The following CACNA2D1 variants were observed in gnomAD, a reference collection of about 807,000 sequenced individuals.
CACNA2D1 encodes calcium voltage-gated channel auxiliary subunit alpha2delta 1.
A neutral mutation model predicts 171.5 loss-of-function variants in CACNA2D1; 53 were observed. That is an observed-to-expected ratio of 0.31 (90% CI 0.25 to 0.39). The LOEUF is 0.39. Among genes scored for constraint, CACNA2D1 ranks in the 10% least tolerant of loss-of-function variants. CACNA2D1 has a pLI of 1.00. For missense variants in CACNA2D1, 903 were observed against 1,299.8 expected, an observed-to-expected ratio of 0.69 and a Z score of 4.69; for synonymous variants, 442 against 443.1, an observed-to-expected ratio of 1.00 and a Z score of 0.03.
At chr7:82,053,957 G>A (rs1027829911) in intron 10 of CACNA2D1, among the ~76,000 whole-genome samples, 7 of 152,290 alleles carry the variant, frequency 4.6e-5, no homozygotes, top group Admixed American at 4.6e-4. Flanking sequence ...CATCAGTAAA[G>A]TCTGTATTAA....
intron 3 of CACNA2D1, among the ~76,000 whole-genome samples, chr7:82,321,507 G>C (rs998957926): frequency 6.6e-6 from 1 of 152,174 alleles, no homozygotes; most frequent in African/African-American, 2.4e-5. Flanking sequence ...TAAGAAGACT[G>C]TATCTTATCT....
At chr7:82,367,087 T>C (rs1215885909) in intron 1 of CACNA2D1, among the ~76,000 whole-genome samples, 1 of 151,582 alleles carries the variant, frequency 6.6e-6, no homozygotes, top group Non-Finnish European at 1.5e-5. Flanking sequence ...TTTTTTAATT[T>C]TTTGTAGTGA....
intron 3 of CACNA2D1, among the ~76,000 whole-genome samples, chr7:82,332,437 A>G (rs989875046): frequency 1.3e-5 from 2 of 152,062 alleles, no homozygotes; most frequent in African/African-American, 4.8e-5. Flanking sequence ...CTGCTACACT[A>G]CAACAATATC....
chr7:82,099,179 T>C (rs1812311227), intron 6 of CACNA2D1, among the ~76,000 whole-genome samples: 1 of 152,174 alleles, frequency 6.6e-6, no homozygotes, highest in Non-Finnish European at 1.5e-5. Context: ...TCAGTTTCAC[T>C]GCCCTTTCCA....
chr7:82,050,981 TGAA>T (rs1805131960), intron 10 of CACNA2D1: 1 of 259,714 alleles, frequency 3.9e-6, no homozygotes, highest in South Asian at 4.9e-5. Context: ...GGGTTGCCTG[TGAA>T]GAATGAGTCA....
At chr7:82,030,459 GTTC>G (rs1203784010) in intron 12 of CACNA2D1, among the ~76,000 whole-genome samples, 1 of 150,286 alleles carries the variant, frequency 6.7e-6, no homozygotes, top group African/African-American at 2.4e-5. Context: ...AAAGCAACTT[GTTC>G]TTATTTATAT....
At chr7:82,180,232 T>A (rs1796979223) in intron 3 of CACNA2D1, among the ~76,000 whole-genome samples, 1 of 152,146 alleles carries the variant, frequency 6.6e-6, no homozygotes, top group Non-Finnish European at 1.5e-5. Context: ...AGTGATCCTC[T>A]GAGGCAAGTG....
chr7:82,433,296 AAT>A (rs1340898467), intron 1 of CACNA2D1, among the ~76,000 whole-genome samples: 2 of 152,168 alleles, frequency 1.3e-5, no homozygotes, highest in African/African-American at 4.8e-5. Context: ...GTGAGAACCA[AAT>A]GTTGCTGTGT....
intron 3 of CACNA2D1, among the ~76,000 whole-genome samples, chr7:82,288,777 T>A (rs1194138667): frequency 6.6e-6 from 1 of 152,204 alleles, no homozygotes; most frequent in Non-Finnish European, 1.5e-5. Context: ...AGTCAATAAG[T>A]TTAGGCATGA....
At chr7:82,242,037 C>T (rs1467775535) in intron 3 of CACNA2D1, among the ~76,000 whole-genome samples, 2 of 152,012 alleles carry the variant, frequency 1.3e-5, no homozygotes, top group Admixed American at 6.6e-5. Flanking sequence ...AATTGTTTCA[C>T]TCGCATAAGA....
chr7:82,414,306 G>A (rs1258054243), intron 1 of CACNA2D1, among the ~76,000 whole-genome samples: 3 of 152,160 alleles, frequency 2.0e-5, no homozygotes, highest in African/African-American at 7.2e-5. Context: ...CATGGTGCTA[G>A]AGAAGAGAGT....
At chr7:81,956,567 C>A (rs1793379833) in intron 38 of CACNA2D1, among the ~76,000 whole-genome samples, 1 of 152,034 alleles carries the variant, frequency 6.6e-6, no homozygotes, top group Non-Finnish European at 1.5e-5. Context: ...GATATTAAAG[C>A]AACGTTTCCT....
At chr7:82,126,156 T>C (rs1238183497) in intron 5 of CACNA2D1, among the ~76,000 whole-genome samples, 1 of 152,182 alleles carries the variant, frequency 6.6e-6, no homozygotes, top group African/African-American at 2.4e-5. Flanking sequence ...AGCAGAGAGA[T>C]TATGTGATCT....
At chr7:82,043,687 A>C (rs1402735955) in intron 10 of CACNA2D1, among the ~76,000 whole-genome samples, 3 of 152,192 alleles carry the variant, frequency 2.0e-5, no homozygotes, top group Non-Finnish European at 2.9e-5. Flanking sequence ...TTTTTGCTCT[A>C]ATTTCCCCTG....
chr7:82,275,932 A>G (rs1585304482), intron 3 of CACNA2D1, among the ~76,000 whole-genome samples: 1 of 152,302 alleles, frequency 6.6e-6, no homozygotes, highest in African/African-American at 2.4e-5. Flanking sequence ...ACCATAACGG[A>G]CATATCATTC....
At chr7:81,983,260 G>A (rs1353188128) in intron 23 of CACNA2D1, 54 bp downstream of exon 23, 2 of 1,447,846 alleles carry the variant, frequency 1.4e-6, no homozygotes, top group African/African-American at 2.8e-5. Context: ...AAATATCAGT[G>A]GAAATGTCAA....
chr7:82,435,295 C>T (rs1236921851), intron 1 of CACNA2D1, among the ~76,000 whole-genome samples: 3 of 152,070 alleles, frequency 2.0e-5, no homozygotes, highest in Non-Finnish European at 2.9e-5. Context: ...CCTCGGCCTC[C>T]CAAAGTGCTG....
At chr7:82,133,947 C>T (rs1791307358) in intron 5 of CACNA2D1, among the ~76,000 whole-genome samples, 1 of 151,992 alleles carries the variant, frequency 6.6e-6, no homozygotes, top group Non-Finnish European at 1.5e-5. Context: ...GTGGCGGGCG[C>T]CTGTAGTCCC....
intron 11 of CACNA2D1, among the ~76,000 whole-genome samples, chr7:82,037,341 T>C (rs1338163119): frequency 1.3e-5 from 2 of 152,116 alleles, no homozygotes; most frequent in African/African-American, 4.8e-5. Context: ...TAGCTGGGCA[T>C]GGTGGCGGGT....
Sources: allele counts gnomAD v4.1 joint callset (sites outside exome capture counted in the v4.1 genomes callset), GRCh38; gene constraint gnomAD v4.1.1; transcripts MANE v1.5; gene names NCBI Gene and HGNC (gene_info 2026-07-23, HGNC 2026-07-21).